PHLDB2: variants seen among roughly 807,000 people sequenced by gnomAD.
The protein encoded by PHLDB2 is pleckstrin homology like domain family B member 2, also known as pleckstrin homology-like domain family B member 2.
A neutral mutation model predicts 123.6 loss-of-function variants in PHLDB2; 71 were observed. The observed-to-expected ratio is 0.57, with a 90% CI of 0.47 to 0.70. PHLDB2 has a LOEUF of 0.70. Among genes scored for constraint, PHLDB2 ranks in the 30% least tolerant of loss-of-function variants. The probability of loss-of-function intolerance (pLI) is 0.00; values close to 1 mark genes in which losing one functional copy is unlikely to be tolerated. For synonymous variants in PHLDB2, 547 were observed against 541.6 expected (o/e 1.01, Z -0.14); for missense variants, 1,446 against 1,519.5 (o/e 0.95, Z 0.80).
intron 1 of PHLDB2, among the ~76,000 whole-genome samples, chr3:111,790,202 G>A (rs2060856717): frequency 6.6e-6 from 1 of 152,084 alleles, no homozygotes; most frequent in Non-Finnish European, 1.5e-5. Context: ...TCATAGCATA[G>A]CCCTGAATAT....
At chr3:111,732,610 T>C in exon 1 of PHLDB2, 3 of 1,532,756 alleles carry the variant, frequency 2.0e-6, no homozygotes, top group Non-Finnish European at 2.6e-6. Flanking sequence ...AACATCCCAC[T>C]CTCTTCAGCA....
chr3:111,939,934 A>G (rs2069758002), intron 7 of PHLDB2, among the ~76,000 whole-genome samples: 1 of 152,226 alleles, frequency 6.6e-6, no homozygotes, highest in Non-Finnish European at 1.5e-5. Context: ...GGTTCAGAAT[A>G]ATTCTATGAA....
rs939988658 is a variant in PHLDB2, at chr3:111,969,883, A to G, written c.3509A>G (p.Asn1170Ser). The change falls in exon 16 of 18, where the codon AAC becomes AGC. Residue 1170 changes from asparagine to serine, a missense_variant. Physicochemically the swap from Asn to Ser is conservative, Grantham distance 46. This residue lies in a region of PHLDB2 where 594 missense variants were observed against 646.0 expected (regional missense o/e 0.92). Transcript: ENST00000431670. ...AAACGTTGGTTTGTTTTTGATCGGA[A>G]CAAGCGAACATTCTCTTATTATGCA... Reference protein sequence around the residue: ...WKKRWFVFDRNKRTFSYYADK... With the variant: ...WKKRWFVFDRSKRTFSYYADK... 6 of 1,614,000 alleles carry G rather than the reference A, an allele frequency of 3.7e-6. 1 individual carries two copies. In the South Asian group the frequency reaches 6.6e-5, roughly 18 times the overall value.
chr3:111,908,557 A>T (rs1451757943), intron 2 of PHLDB2, among the ~76,000 whole-genome samples: 1 of 152,214 alleles, frequency 6.6e-6, no homozygotes, highest in African/African-American at 2.4e-5. Flanking sequence ...AGAGCAAGGC[A>T]TGTGATGAAT....
In PHLDB2 at chr3:111,749,701, T is replaced by C. The variant is rs558446732; in HGVS notation, c.-49+16998T>C. The stretch of plus-strand genomic sequence containing the variant: ...AAAAATATGCTGCCAGTAGTACTTT[T>C]TCATTTTCCCCCTTATAATTTTAAT... On this transcript the variant is annotated intron_variant, in intron 1 of 17. Coordinates refer to the PHLDB2 transcript ENST00000393923. Among the ~76,000 whole-genome samples the C allele has an allele frequency of 2.0e-5, 3 of 152,370 alleles. No individual in the cohort carries two copies. The South Asian group carries it at 6.2e-4, about 32-fold the overall frequency.
At chr3:111,810,315 T>A (rs2061774052) in intron 1 of PHLDB2, among the ~76,000 whole-genome samples, 1 of 152,202 alleles carries the variant, frequency 6.6e-6, no homozygotes, top group Admixed American at 6.5e-5. Flanking sequence ...TGCATGACTA[T>A]CTTAATCTCC....
intron 13 of PHLDB2, 113 bp downstream of exon 13, chr3:111,962,425 TA>T: frequency 1.1e-6 from 1 of 873,850 alleles, no homozygotes; most frequent in Non-Finnish European, 1.8e-6. Flanking sequence ...TTTTGAGACA[TA>T]AAGGGTCTGT....
At chr3:111,848,549 A>G (rs540792469) in intron 2 of PHLDB2, among the ~76,000 whole-genome samples, 1 of 152,224 alleles carries the variant, frequency 6.6e-6, no homozygotes, top group Non-Finnish European at 1.5e-5. Flanking sequence ...GGGATCTCAG[A>G]CCTTATCTGG....
intron 1 of PHLDB2, among the ~76,000 whole-genome samples, chr3:111,825,381 A>T (rs149499196): frequency 3.9e-5 from 6 of 152,340 alleles, no homozygotes; most frequent in African/African-American, 1.4e-4. Flanking sequence ...GATGTAGGAA[A>T]ATCATATTGA....
intron 1 of PHLDB2, among the ~76,000 whole-genome samples, chr3:111,837,886 T>C (rs2063489263): frequency 6.6e-6 from 1 of 150,888 alleles, no homozygotes; most frequent in Non-Finnish European, 1.5e-5. Context: ...CTACTACAAA[T>C]ACAAAAATTA....
intron 8 of PHLDB2, among the ~76,000 whole-genome samples, chr3:111,941,824 C>CAAAACAAAAT (rs1383313106): frequency 6.6e-6 from 1 of 151,894 alleles, no homozygotes; most frequent in East Asian, 1.9e-4. Flanking sequence ...CAAAACAAAA[C>CAAAACAAAAT]AAAACAAAAC....
intron 1 of PHLDB2, among the ~76,000 whole-genome samples, chr3:111,878,490 A>G (rs537712990): frequency 6.6e-6 from 1 of 152,344 alleles, no homozygotes; most frequent in South Asian, 2.1e-4. Context: ...CAATCATGTC[A>G]TCTGCAAACA....
chr3:111,940,715 T>C, intron 8 of PHLDB2, 70 bp downstream of exon 8: 1 of 785,018 alleles, frequency 1.3e-6, no homozygotes, highest in Admixed American at 3.1e-5. Flanking sequence ...TTGCCCCCTT[T>C]AAAGTAAACA....
At chr3:111,753,173 A>G (rs1253991451) in intron 1 of PHLDB2, among the ~76,000 whole-genome samples, 2 of 150,104 alleles carry the variant, frequency 1.3e-5, no homozygotes, top group African/African-American at 4.9e-5. Flanking sequence ...CAGTAATGGG[A>G]TGGCTGGGTC....
In PHLDB2 at chr3:111,807,729, A is replaced by C. The variant is rs1207503099; in HGVS notation, c.-48-38092A>C. Among the ~76,000 whole-genome samples, 3 of 152,096 alleles carry C rather than the reference A, an allele frequency of 2.0e-5. No individual in the cohort carries two copies. In the East Asian group the frequency reaches 5.8e-4, roughly 29 times the overall value. ...AGCTATGATGGACCCACTGCACTAC[A>C]GCCTGGGCGACAGAGTGAGACCCTG... is the stretch of plus-strand genomic sequence containing the variant. On this transcript the variant is annotated intron_variant, in intron 1 of 17. Transcript: ENST00000393923.
At chr3:111,868,770 A>G (rs185471116) in intron 1 of PHLDB2, among the ~76,000 whole-genome samples, 1 of 152,318 alleles carries the variant, frequency 6.6e-6, no homozygotes, top group African/African-American at 2.4e-5. Flanking sequence ...GAATTTTGCA[A>G]GTGTGAGGAA....
Position 111,799,469 on chromosome 3 carries a change from T to C in PHLDB2, c.-48-46352T>C, listed in dbSNP as rs76948195. 0.026 allele frequency among the ~76,000 whole-genome samples: 4,026 copies of C among 152,302 alleles called. 485 individuals carry two copies. The East Asian group carries it at 0.37, about 14-fold the overall frequency. ...GTGAGGTAGACAGCTTCAATTGGTC[T>C]TTAAAAATATAGACTGATTTTCTAT... On this transcript the variant is annotated intron_variant, in intron 1 of 17. Transcript: ENST00000393923.
intron 1 of PHLDB2, among the ~76,000 whole-genome samples, chr3:111,826,857 G>A (rs2062677420): frequency 6.6e-6 from 1 of 152,128 alleles, no homozygotes; most frequent in Admixed American, 6.5e-5. Context: ...CCTCTAGGAG[G>A]CTGCTCATTA....
At chr3:111,940,449 A>G in intron 7 of PHLDB2, 86 bp from the exon 8 acceptor site, 1 of 676,664 alleles carries the variant, frequency 1.5e-6, no homozygotes, top group Non-Finnish European at 2.5e-6. Flanking sequence ...CAGTGGTGAA[A>G]ATTTTTTTCT....
Sources: gnomAD v4.1 joint callset for allele counts (sites outside exome capture counted in the v4.1 genomes callset) on GRCh38, gnomAD v4.1.1 for gene constraint, gnomAD v4.1.1 regional missense constraint, MANE v1.5 for transcripts, NCBI Gene and HGNC (gene_info 2026-07-23, HGNC 2026-07-21) for gene names.